SPIDR: variants seen among roughly 807,000 people sequenced by gnomAD.
SPIDR encodes DNA repair-scaffolding protein.
Under a neutral mutation model 104.6 loss-of-function variants are expected in SPIDR, and 93 were observed. That is an observed-to-expected ratio of 0.89 (90% confidence interval 0.75 to 1.06). The LOEUF (loss-of-function observed/expected upper bound fraction) is 1.06. SPIDR is among the 50% of genes least tolerant of loss of function. SPIDR has a pLI of 0.00. For missense variants in SPIDR, 1,154 were observed against 1,111.2 expected (o/e 1.04, Z -0.55); for synonymous variants, 431 against 416.9 (o/e 1.03, Z -0.41).
intron 10 of SPIDR, among the ~76,000 whole-genome samples, chr8:47,624,422 C>T (rs1480312953): frequency 6.6e-6 from 1 of 152,028 alleles, no homozygotes; most frequent in Non-Finnish European, 1.5e-5. Context: ...CACAAAAAAC[C>T]CTTCAAAAAA....
chr8:47,652,036 C>T (rs2071745049), intron 10 of SPIDR, among the ~76,000 whole-genome samples: 1 of 152,214 alleles, frequency 6.6e-6, no homozygotes, highest in Admixed American at 6.5e-5. Context: ...TGCACTAAAA[C>T]CTCAAAATCT....
At chr8:47,462,769 G>A (rs2074150008) in intron 8 of SPIDR, among the ~76,000 whole-genome samples, 1 of 152,120 alleles carries the variant, frequency 6.6e-6, no homozygotes, top group Non-Finnish European at 1.5e-5. Flanking sequence ...AAATCAGAGA[G>A]CATTTCTAAA....
In SPIDR at chr8:47,701,947, C is replaced by A; in HGVS notation, c.1918-9C>A. The stretch of plus-strand genomic sequence containing the variant: ...GTAATGCTGCCAACCTTTTCTAATT[C>A]CTTTCCAGATGAATGATCTTGGTAC... On this transcript the variant is annotated splice_polypyrimidine_tract_variant and intron_variant, in intron 13 of 19. Coordinates refer to ENST00000297423, the MANE Select transcript of SPIDR (RefSeq NM_001080394.4). The A allele has an allele frequency of 6.2e-7, 1 of 1,614,030 alleles. No individual in the cohort carries two copies. The highest frequency in any genetic ancestry group is 8.5e-7 in the Non-Finnish European group (1 of 1,180,012).
At chr8:47,592,445 G>A in intron 8 of SPIDR, 5 of 1,450,924 alleles carry the variant, frequency 3.4e-6, no homozygotes, top group Non-Finnish European at 4.8e-6. Flanking sequence ...AATAGTTCAA[G>A]TTTAAAAGTC....
intron 8 of SPIDR, among the ~76,000 whole-genome samples, chr8:47,461,439 G>A (rs888550979): frequency 1.3e-5 from 2 of 152,102 alleles, no homozygotes; most frequent in African/African-American, 4.8e-5. Context: ...AGCCTCCCAG[G>A]TATCTGGGAC....
chr8:47,331,965 C>CTTTTTT (rs1183447584), intron 5 of SPIDR, among the ~76,000 whole-genome samples: 61 of 32,702 alleles, frequency 1.9e-3, no homozygotes, highest in East Asian at 3.8e-3. Context: ...TTTTTTTAAA[C>CTTTTTT]TTTTTTTTTT....
At chr8:47,317,888 T>C (rs1318604364) in intron 5 of SPIDR, among the ~76,000 whole-genome samples, 5 of 152,180 alleles carry the variant, frequency 3.3e-5, no homozygotes, top group African/African-American at 4.8e-5. Flanking sequence ...CTGAGGGTCC[T>C]GACTGTTAGA....
intron 4 of SPIDR, 34 bp from the exon 5 acceptor site, chr8:47,293,833 G>A: frequency 6.4e-7 from 1 of 1,567,526 alleles, no homozygotes; most frequent in Admixed American, 1.8e-5. Flanking sequence ...AGATTAAGGA[G>A]ATAATTAAGC....
intron 8 of SPIDR, among the ~76,000 whole-genome samples, chr8:47,452,847 G>T (rs964045666): frequency 1.3e-5 from 2 of 152,154 alleles, no homozygotes; most frequent in African/African-American, 4.8e-5. Flanking sequence ...ACATAGTGTT[G>T]GAAGTTCTGG....
At chr8:47,462,525 A>G (rs1458327858) in intron 8 of SPIDR, among the ~76,000 whole-genome samples, 8 of 152,214 alleles carry the variant, frequency 5.3e-5, no homozygotes, top group African/African-American at 1.2e-4. Flanking sequence ...ATTGAGATGA[A>G]TGAAAACGAA....
intron 5 of SPIDR, among the ~76,000 whole-genome samples, chr8:47,328,962 A>G (rs1442982242): frequency 2.6e-5 from 4 of 151,992 alleles, no homozygotes; most frequent in Admixed American, 6.6e-5. Context: ...GCTAGAGTGC[A>G]GTGGCAGAAT....
At chr8:47,374,853 TTGAGACCAGCC>T (rs1175862095) in intron 5 of SPIDR, among the ~76,000 whole-genome samples, 1 of 152,110 alleles carries the variant, frequency 6.6e-6, no homozygotes, top group Non-Finnish European at 1.5e-5. Context: ...GTTAGGAAGT[TTGAGACCAGCC>T]TGGCCAACAT....
intron 1 of SPIDR, among the ~76,000 whole-genome samples, chr8:47,266,389 G>A (rs2034051044): frequency 6.6e-6 from 1 of 151,922 alleles, no homozygotes; most frequent in Non-Finnish European, 1.5e-5. Context: ...ACCCACCTCG[G>A]CCTCTCAAAG....
At chr8:47,272,129 G>A (rs1264918607) in intron 1 of SPIDR, among the ~76,000 whole-genome samples, 1 of 152,012 alleles carries the variant, frequency 6.6e-6, no homozygotes, top group African/African-American at 2.4e-5. Flanking sequence ...CACCACACCC[G>A]GCTAGTTTTT....
chr8:47,523,142 C>T (rs373120120), intron 8 of SPIDR, among the ~76,000 whole-genome samples: 97 of 152,132 alleles, frequency 6.4e-4, no homozygotes, highest in South Asian at 5.8e-3. Flanking sequence ...ACAGGCATAG[C>T]GAGCCACCAT....
chr8:47,424,010 C>T (rs2066005244), intron 7 of SPIDR, among the ~76,000 whole-genome samples: 1 of 152,290 alleles, frequency 6.6e-6, no homozygotes, highest in East Asian at 1.9e-4. Flanking sequence ...AGGTCCTGCT[C>T]TCCTTATTTT....
Position 47,339,741 on chromosome 8 carries a change from G to A in SPIDR, c.525+45711G>A, listed in dbSNP as rs149300815. ...GTCGCCTGGACTGGAGTGCAATGGT[G>A]TGATCTCGGCTCACTGCAACCTTTG... On this transcript the variant is annotated intron_variant, in intron 5 of 19. Transcript: ENST00000297423. Among the ~76,000 whole-genome samples the A allele has an allele frequency of 2.7e-3, 396 of 146,228 alleles. 10 individuals carry two copies. The South Asian group carries it at 0.069, about 26-fold the overall frequency.
chr8:47,647,912 T>C (rs2046102192), intron 10 of SPIDR, among the ~76,000 whole-genome samples: 1 of 152,098 alleles, frequency 6.6e-6, no homozygotes, highest in South Asian at 2.1e-4. Context: ...GTTTGTGGAA[T>C]GACAAGGAGG....
rs142535688 is a variant in SPIDR, at chr8:47,595,799, T to C, written c.1098-12T>C. On this transcript the variant is annotated splice_polypyrimidine_tract_variant and intron_variant, in intron 8 of 19. Coordinates refer to ENST00000297423, the MANE Select transcript of SPIDR (RefSeq NM_001080394.4). ...TTGCAAAGAAACTGTTGCATGTCTT[T>C]CTCTTTTCCAGGCAAAAACTGATTA... 13 of 1,612,872 alleles carry C rather than the reference T, an allele frequency of 8.1e-6. No individual in the cohort carries two copies. The East Asian group carries it at 2.9e-4, about 36-fold the overall frequency.
Sources: gnomAD v4.1 joint callset for allele counts (sites outside exome capture counted in the v4.1 genomes callset) on GRCh38, gnomAD v4.1.1 for gene constraint, MANE v1.5 for transcripts, NCBI Gene and HGNC (gene_info 2026-07-23, HGNC 2026-07-21) for gene names.